Variants in ZFHX3 observed in about 807,000 individuals in gnomAD.
ZFHX3 encodes zinc finger homeobox 3.
In ZFHX3, 42 loss-of-function variants were observed where a neutral mutation model predicts 279.1. The observed-to-expected ratio is 0.15, with a 90% confidence interval of 0.12 to 0.19. The LOEUF (loss-of-function observed/expected upper bound fraction) is 0.19, where lower values mean the gene tolerates loss of function less well. Among genes scored for constraint, ZFHX3 ranks in the 10% least tolerant of loss-of-function variants. The probability of loss-of-function intolerance (pLI) is 1.00; values close to 1 mark genes in which losing one functional copy is unlikely to be tolerated. For missense variants in ZFHX3, 4,981 were observed against 4,754.0 expected, an observed-to-expected ratio of 1.05 and a Z score of -1.40; for synonymous variants, 2,293 against 1,957.8, an observed-to-expected ratio of 1.17 and a Z score of -4.52.
In ZFHX3 at chr16:72,931,220, A is replaced by ATC. The variant is rs1184736282; in HGVS notation, c.3216+19247_3216+19248dup. ...TCCAGATCCACTTATGCATCTAATC[A>ATC]TCAGGCAGGTCATGAGCTTGGTGAG... On this transcript the variant is annotated intron_variant, in intron 3 of 9. Coordinates refer to ENST00000268489, the MANE Select transcript of ZFHX3 (RefSeq NM_006885.4). 2.6e-5 allele frequency among the ~76,000 whole-genome samples: 4 copies of ATC among 152,292 alleles called. No individual in the cohort carries two copies. In the East Asian group the frequency reaches 7.7e-4, roughly 29 times the overall value.
intron 7 of ZFHX3, chr16:73,127,383 A>C: frequency 7.7e-7 from 1 of 1,305,474 alleles, no homozygotes; most frequent in Non-Finnish European, 1.0e-6. Flanking sequence ...ATGGCTGCTA[A>C]CTAAATATTT....
At chr16:72,836,515 T>C (rs2037195914) in intron 4 of ZFHX3, among the ~76,000 whole-genome samples, 1 of 152,206 alleles carries the variant, frequency 6.6e-6, no homozygotes, top group Non-Finnish European at 1.5e-5. Context: ...GGTTTTTGCT[T>C]ACCACAAATA....
chr16:72,915,721 C>A (rs936923088), intron 3 of ZFHX3, among the ~76,000 whole-genome samples: 1 of 151,810 alleles, frequency 6.6e-6, no homozygotes, highest in African/African-American at 2.4e-5. Context: ...CGTGTTTGTG[C>A]CACTGCACTC....
At chr16:73,117,442 A>G (rs1477749831) in intron 7 of ZFHX3, among the ~76,000 whole-genome samples, 2 of 152,204 alleles carry the variant, frequency 1.3e-5, no homozygotes, top group Non-Finnish European at 2.9e-5. Context: ...AAGCATAGAG[A>G]TTTGGGGCCA....
At chr16:73,427,584 A>C (rs2017832249) in intron 3 of ZFHX3, among the ~76,000 whole-genome samples, 1 of 152,100 alleles carries the variant, frequency 6.6e-6, no homozygotes, top group African/African-American at 2.4e-5. Context: ...TGTGCCCTGC[A>C]CGTTGGTGGT....
In ZFHX3 at chr16:72,827,631, C is replaced by T. The variant is rs547343016; in HGVS notation, c.3529+2148G>A. Among the ~76,000 whole-genome samples the T allele has an allele frequency of 5.3e-5, 8 of 152,340 alleles. No individual in the cohort carries two copies. The South Asian group carries it at 1.5e-3, about 28-fold the overall frequency. On this transcript the variant is annotated intron_variant, in intron 5 of 9. Transcript: ENST00000268489. ...AACCATTTGTTTAGCTCTCATTCAA[C>T]GTTGAGGCAAAACTGGGATCTTGGT...
At chr16:73,017,855 G>C (rs1482016922) in intron 1 of ZFHX3, among the ~76,000 whole-genome samples, 1 of 152,118 alleles carries the variant, frequency 6.6e-6, no homozygotes, top group African/African-American at 2.4e-5. Context: ...CCTACTGTCT[G>C]ACCCATCCCT....
At chr16:72,843,346 TA>T (rs1363074726) in intron 4 of ZFHX3, among the ~76,000 whole-genome samples, 3 of 151,360 alleles carry the variant, frequency 2.0e-5, no homozygotes, top group Non-Finnish European at 2.9e-5. Context: ...CCGTCTCTAC[TA>T]AAAAATACAA....
intron 1 of ZFHX3, among the ~76,000 whole-genome samples, chr16:73,791,315 G>A (rs906737638): frequency 5.7e-4 from 87 of 151,954 alleles, no homozygotes; most frequent in African/African-American, 1.8e-3. Context: ...CAAATGTATA[G>A]ATCAGTAGTT....
chr16:73,800,895 C>T (rs1392426212), intron 1 of ZFHX3, among the ~76,000 whole-genome samples: 1 of 152,164 alleles, frequency 6.6e-6, no homozygotes, highest in East Asian at 1.9e-4. Context: ...TGATTTCTGA[C>T]ACACTGACTC....
chr16:73,014,811 C>T (rs1279515823), intron 1 of ZFHX3, among the ~76,000 whole-genome samples: 1 of 151,752 alleles, frequency 6.6e-6, no homozygotes, highest in African/African-American at 2.4e-5. Context: ...CATGTCCGGC[C>T]TATGTGGTAA....
At chr16:72,865,298 T>C (rs1433539067) in intron 4 of ZFHX3, among the ~76,000 whole-genome samples, 2 of 152,218 alleles carry the variant, frequency 1.3e-5, no homozygotes, top group Non-Finnish European at 2.9e-5. Context: ...GGAAAAGGGC[T>C]TGTGGCTGAG....
intron 3 of ZFHX3, among the ~76,000 whole-genome samples, chr16:73,402,908 AC>A (rs956956188): frequency 4.0e-5 from 6 of 151,558 alleles, no homozygotes; most frequent in Admixed American, 6.5e-5. Flanking sequence ...AAAAAAAAAA[AC>A]ATTACAGAGA....
At chr16:73,317,869 G>T (rs777742213) in intron 4 of ZFHX3, among the ~76,000 whole-genome samples, 1 of 152,212 alleles carries the variant, frequency 6.6e-6, no homozygotes, top group Non-Finnish European at 1.5e-5. Flanking sequence ...AGTCCTAAAA[G>T]TGGATAGAGG....
chr16:73,138,812 C>T (rs1480399125), intron 6 of ZFHX3, among the ~76,000 whole-genome samples: 24 of 152,152 alleles, frequency 1.6e-4, no homozygotes, highest in Admixed American at 6.5e-5. Flanking sequence ...CTCAGCCTCC[C>T]GAGTAGCTGG....
At chr16:73,019,836 G>A (rs944270534) in intron 1 of ZFHX3, among the ~76,000 whole-genome samples, 1 of 152,102 alleles carries the variant, frequency 6.6e-6, no homozygotes, top group African/African-American at 2.4e-5. Context: ...CCCACAACTG[G>A]AACTGTTTAT....
chr16:73,469,137 C>A (rs1029994901), intron 2 of ZFHX3, among the ~76,000 whole-genome samples: 5 of 152,222 alleles, frequency 3.3e-5, no homozygotes, highest in African/African-American at 1.2e-4. Context: ...TCCCACCACC[C>A]AGCCCCTCGA....
chr16:73,465,753 T>C (rs1438153982), intron 2 of ZFHX3, among the ~76,000 whole-genome samples: 1 of 152,180 alleles, frequency 6.6e-6, no homozygotes, highest in Non-Finnish European at 1.5e-5. Flanking sequence ...CTTGAGTTCT[T>C]CTCTCCTTTC....
chr16:73,580,515 A>C (rs1351346806), intron 2 of ZFHX3, among the ~76,000 whole-genome samples: 1 of 151,846 alleles, frequency 6.6e-6, no homozygotes, highest in African/African-American at 2.4e-5. Context: ...AAACAAAAAA[A>C]AAAAAACAGA....
Sources: allele counts gnomAD v4.1 joint callset (sites outside exome capture counted in the v4.1 genomes callset), GRCh38; gene constraint gnomAD v4.1.1; transcripts MANE v1.5; gene names NCBI Gene and HGNC (gene_info 2026-07-23, HGNC 2026-07-21).